The following ANKRD30A variants were observed in gnomAD, a reference collection of about 807,000 sequenced individuals.
ANKRD30A encodes the protein ankyrin repeat domain-containing protein 30A.
ANKRD30A carries 170 observed loss-of-function variants against 166.3 expected under a neutral mutation model. That is an observed-to-expected ratio of 1.02 (90% confidence interval 0.90 to 1.16). ANKRD30A has a LOEUF of 1.16. Ranked by LOEUF, ANKRD30A falls within the 50% of genes most tolerant of loss-of-function variation. ANKRD30A has a pLI of 0.00. For missense variants in ANKRD30A, 1,630 were observed against 1,518.0 expected, an observed-to-expected ratio of 1.07 and a Z score of -1.23; for synonymous variants, 564 against 508.9, an observed-to-expected ratio of 1.11 and a Z score of -1.46.
intron 34 of ANKRD30A, among the ~76,000 whole-genome samples, chr10:37,225,906 T>A (rs1843125099): frequency 1.3e-5 from 2 of 151,726 alleles, no homozygotes; most frequent in African/African-American, 4.8e-5. Flanking sequence ...TATTCTAGAA[T>A]ATTTTTATCA....
intron 24 of ANKRD30A, among the ~76,000 whole-genome samples, chr10:37,177,994 A>G (rs1250873951): frequency 2.0e-5 from 3 of 150,354 alleles, no homozygotes; most frequent in Non-Finnish European, 4.5e-5. Flanking sequence ...GACGTGAGGA[A>G]AATGAGAAAA....
the ANKRD30A span, among the ~76,000 whole-genome samples, chr10:37,250,456 ACT>A: frequency 1.3e-5 from 2 of 151,814 alleles, no homozygotes; most frequent in Non-Finnish European, 2.9e-5. Flanking sequence ...CCTTTGCCAG[ACT>A]CTGACGAGGG....
At chr10:37,150,934 G>A (rs1330835257) in intron 11 of ANKRD30A, among the ~76,000 whole-genome samples, 3 of 151,684 alleles carry the variant, frequency 2.0e-5, no homozygotes, top group Non-Finnish European at 2.9e-5. Flanking sequence ...TAGAGCTATG[G>A]TGTGGCAACA....
intron 25 of ANKRD30A, among the ~76,000 whole-genome samples, chr10:37,190,835 G>GATGTATGTATGT (rs747200834): frequency 1.3e-5 from 2 of 151,420 alleles, no homozygotes; most frequent in Non-Finnish European, 2.9e-5. Flanking sequence ...TATATATATA[G>GATGTATGTATGT]ATGTATGTAT....
intron 27 of ANKRD30A, among the ~76,000 whole-genome samples, chr10:37,196,992 A>T (rs1378842184): frequency 6.6e-6 from 1 of 152,186 alleles, no homozygotes; most frequent in Admixed American, 6.6e-5. Flanking sequence ...GTAGCATTCC[A>T]TGTTCAGCTT....
At chr10:37,241,141 G>C in the ANKRD30A span, 1 of 151,128 alleles carries the variant, frequency 6.6e-6, no homozygotes, top group African/African-American at 2.4e-5. Context: ...AAATCTTTTA[G>C]GTAAAGAACA....
chr10:37,190,801 A>C (rs1271687890), intron 25 of ANKRD30A, among the ~76,000 whole-genome samples: 23 of 151,776 alleles, frequency 1.5e-4, no homozygotes, highest in African/African-American at 5.3e-4. Context: ...ATCTTTATTA[A>C]TATGAAGCAT....
At chr10:37,202,948 C>T (rs1207518542) in intron 31 of ANKRD30A, among the ~76,000 whole-genome samples, 1 of 151,772 alleles carries the variant, frequency 6.6e-6, no homozygotes, top group African/African-American at 2.4e-5. Context: ...GAAGGAGAAT[C>T]CCCGAATAGA....
chr10:37,232,695 A>AT (rs1564604874), downstream of ANKRD30A: 4 of 10,856 alleles, frequency 3.7e-4, no homozygotes, highest in African/African-American at 4.8e-4. Flanking sequence ...TATATATATA[A>AT]ATAGAGAGAG....
the ANKRD30A span, among the ~76,000 whole-genome samples, chr10:37,256,956 C>A: frequency 6.6e-6 from 1 of 152,080 alleles, no homozygotes; most frequent in Admixed American, 6.5e-5. Flanking sequence ...GGAATAGTTT[C>A]AAAAGGAATG....
chr10:37,126,285 A>G (rs992673006), intron 1 of ANKRD30A, among the ~76,000 whole-genome samples: 10 of 152,232 alleles, frequency 6.6e-5, no homozygotes, highest in African/African-American at 2.4e-4. Context: ...ACTTCCTCTC[A>G]CAGAGGACTG....
downstream of ANKRD30A, among the ~76,000 whole-genome samples, chr10:37,235,498 C>T (rs979839637): frequency 4.6e-5 from 7 of 152,140 alleles, no homozygotes; most frequent in Middle Eastern, 3.4e-3. Context: ...TTGAGTACTC[C>T]TTAAAATAGA....
At chr10:37,132,816 G>C (rs1439602817) in intron 4 of ANKRD30A, among the ~76,000 whole-genome samples, 1 of 152,072 alleles carries the variant, frequency 6.6e-6, no homozygotes, top group East Asian at 1.9e-4. Flanking sequence ...TAACCAACAT[G>C]GTGAAACCCC....
At chr10:37,259,675 T>G in the ANKRD30A span, among the ~76,000 whole-genome samples, 1 of 152,208 alleles carries the variant, frequency 6.6e-6, no homozygotes, top group African/African-American at 2.4e-5. Context: ...ATAAATAAAC[T>G]ATGGCTATAT....
chr10:37,232,195 T>C (rs1427748136), intron 35 of ANKRD30A, among the ~76,000 whole-genome samples: 2 of 152,146 alleles, frequency 1.3e-5, no homozygotes, highest in Middle Eastern at 3.4e-3. Flanking sequence ...CATGGAACAC[T>C]TAAATGATTC....
At chr10:37,232,401 T>G (rs1843452615) in intron 35 of ANKRD30A, 98 bp from the exon 36 acceptor site, 1 of 151,418 alleles carries the variant, frequency 6.6e-6, no homozygotes, top group Non-Finnish European at 1.5e-5. Flanking sequence ...CTTATGTATG[T>G]CTATCACTTG....
chr10:37,234,175 A>G (rs1178525347), downstream of ANKRD30A, among the ~76,000 whole-genome samples: 1 of 152,156 alleles, frequency 6.6e-6, no homozygotes, highest in African/African-American at 2.4e-5. Context: ...TAGCCTTACC[A>G]CTTAACACTA....
At chr10:37,212,559 A>G (rs1842395609) in intron 31 of ANKRD30A, among the ~76,000 whole-genome samples, 1 of 152,086 alleles carries the variant, frequency 6.6e-6, no homozygotes. Context: ...CCGCATTGTC[A>G]AGTCAATCCT....
the ANKRD30A span, among the ~76,000 whole-genome samples, chr10:37,237,727 G>A: frequency 2.0e-5 from 3 of 152,028 alleles, no homozygotes; most frequent in Non-Finnish European, 2.9e-5. Context: ...TATTTGCTCT[G>A]GCAATGTTTA....
Sources: allele counts gnomAD v4.1 joint callset (sites outside exome capture counted in the v4.1 genomes callset), GRCh38; gene constraint gnomAD v4.1.1; transcripts MANE v1.5; gene names NCBI Gene and HGNC (gene_info 2026-07-23, HGNC 2026-07-21).